The following XKR4 variants were observed in gnomAD, a reference collection of about 807,000 sequenced individuals.
The protein encoded by XKR4 is XK related 4.
Under a neutral mutation model 53.9 loss-of-function variants are expected in XKR4, and 12 were observed. The observed-to-expected ratio is 0.22, with a 90% confidence interval of 0.14 to 0.36. The LOEUF (loss-of-function observed/expected upper bound fraction) is 0.36, where lower values mean the gene tolerates loss of function less well. Ranked by LOEUF, XKR4 falls within the 10% of genes least tolerant of loss-of-function variation. The probability of loss-of-function intolerance (pLI) is 1.00; values close to 1 mark genes in which losing one functional copy is unlikely to be tolerated. For missense variants in XKR4, 799 were observed against 859.5 expected (o/e 0.93, Z 0.88); for synonymous variants, 354 against 362.4 (o/e 0.98, Z 0.26).
At chr8:55,332,356 T>G (rs1044093881) in intron 1 of XKR4, among the ~76,000 whole-genome samples, 2 of 152,064 alleles carry the variant, frequency 1.3e-5, no homozygotes, top group African/African-American at 4.8e-5. Flanking sequence ...CAAATTATAA[T>G]TTTTTTATAT....
At chr8:55,216,266 TG>T (rs770316314) in intron 1 of XKR4, among the ~76,000 whole-genome samples, 15 of 152,100 alleles carry the variant, frequency 9.9e-5, no homozygotes, top group Admixed American at 2.0e-4. Flanking sequence ...GGAAGGGAAA[TG>T]GGGGCAAAAA....
intron 1 of XKR4, among the ~76,000 whole-genome samples, chr8:55,214,079 C>G (rs1208762764): frequency 6.6e-6 from 1 of 151,972 alleles, no homozygotes; most frequent in Non-Finnish European, 1.5e-5. Flanking sequence ...CCTGGCTGGT[C>G]TCGAATTCCT....
At chr8:55,517,495 T>G (rs1806730835) in intron 2 of XKR4, 1 of 152,122 alleles carries the variant, frequency 6.6e-6, no homozygotes, top group South Asian at 2.1e-4. Flanking sequence ...TGTTAGGGGC[T>G]AGAAAAGGTT....
At chr8:55,410,493 C>T (rs1222214493) in intron 2 of XKR4, among the ~76,000 whole-genome samples, 6 of 152,230 alleles carry the variant, frequency 3.9e-5, no homozygotes, top group Non-Finnish European at 8.8e-5. Flanking sequence ...GTCTCTCCTT[C>T]CCTGGGCTTC....
chr8:55,455,101 GA>G, intron 2 of XKR4: 5 of 662,290 alleles, frequency 7.5e-6, no homozygotes, highest in Non-Finnish European at 8.3e-6. Context: ...GGTGCGGCCT[GA>G]ATGCCACCAG....
At chr8:55,391,162 G>T (rs945896884) in intron 2 of XKR4, among the ~76,000 whole-genome samples, 10 of 152,178 alleles carry the variant, frequency 6.6e-5, no homozygotes, top group African/African-American at 2.4e-4. Context: ...AGAAACAGGA[G>T]CTCCCATGTA....
chr8:55,183,569 A>G (rs1817341562), intron 1 of XKR4, among the ~76,000 whole-genome samples: 1 of 152,100 alleles, frequency 6.6e-6, no homozygotes, highest in Non-Finnish European at 1.5e-5. Context: ...TTACTGATTT[A>G]GAGTTTAATC....
chr8:55,211,387 A>G (rs573736874), intron 1 of XKR4, among the ~76,000 whole-genome samples: 1 of 152,366 alleles, frequency 6.6e-6, no homozygotes, highest in South Asian at 2.1e-4. Flanking sequence ...CACTTTGTCA[A>G]AATGACCATT....
intron 1 of XKR4, among the ~76,000 whole-genome samples, chr8:55,255,716 G>A (rs1175263913): frequency 6.6e-6 from 1 of 152,022 alleles, no homozygotes. Flanking sequence ...TACACAAATA[G>A]GAGACAGTTA....
intron 2 of XKR4, among the ~76,000 whole-genome samples, chr8:55,471,604 C>T (rs1818278): frequency 0.41 from 61,693 of 151,626 alleles, 13,209 homozygotes; most frequent in East Asian, 0.53. Context: ...CAGATGCAAA[C>T]ATGGATGATA....
intron 2 of XKR4, among the ~76,000 whole-genome samples, chr8:55,457,080 T>G (rs914508263): frequency 6.6e-6 from 1 of 151,518 alleles, no homozygotes; most frequent in Non-Finnish European, 1.5e-5. Flanking sequence ...TGACTTATCA[T>G]TATAAACAGT....
chr8:55,171,821 A>C (rs903320997), intron 1 of XKR4, among the ~76,000 whole-genome samples: 1 of 152,036 alleles, frequency 6.6e-6, no homozygotes, highest in Non-Finnish European at 1.5e-5. Context: ...CCTGTTCTCC[A>C]TCTGTGCCTC....
intron 2 of XKR4, among the ~76,000 whole-genome samples, chr8:55,470,895 C>T (rs1287862381): frequency 6.6e-6 from 1 of 152,110 alleles, no homozygotes; most frequent in Admixed American, 6.6e-5. Context: ...GATTCAAACT[C>T]AGGTCCACCT....
intron 2 of XKR4, among the ~76,000 whole-genome samples, chr8:55,430,942 T>G (rs76158602): frequency 0.039 from 6,003 of 152,308 alleles, 174 homozygotes; most frequent in Middle Eastern, 0.092. Flanking sequence ...AACACACGAA[T>G]GTGGGGCAAC....
chr8:55,461,005 C>T (rs1398084115), intron 2 of XKR4, among the ~76,000 whole-genome samples: 3 of 152,236 alleles, frequency 2.0e-5, no homozygotes, highest in South Asian at 2.1e-4. Flanking sequence ...GGTGAGCCCA[C>T]CACAGCTCAA....
At chr8:55,422,014 T>TGAG (rs1278624838) in intron 2 of XKR4, among the ~76,000 whole-genome samples, 1 of 152,218 alleles carries the variant, frequency 6.6e-6, no homozygotes, top group Non-Finnish European at 1.5e-5. Context: ...TAATGTCCCA[T>TGAG]GAGCTTTAAG....
chr8:55,439,848 A>G (rs937100662), intron 2 of XKR4, among the ~76,000 whole-genome samples: 2 of 152,214 alleles, frequency 1.3e-5, no homozygotes, highest in Non-Finnish European at 2.9e-5. Context: ...AAAGATGTCT[A>G]TCTTCATACT....
At chr8:55,478,123 G>A (rs1418972587) in intron 2 of XKR4, among the ~76,000 whole-genome samples, 1 of 151,256 alleles carries the variant, frequency 6.6e-6, no homozygotes. Context: ...CAAAGTTGAA[G>A]GAAAAAATGT....
intron 2 of XKR4, among the ~76,000 whole-genome samples, chr8:55,467,496 T>C (rs1805793504): frequency 1.3e-5 from 2 of 151,966 alleles, no homozygotes; most frequent in Admixed American, 6.6e-5. Context: ...GAGTTGGGAG[T>C]TGGCGAGGGT....
Sources: allele counts gnomAD v4.1 joint callset (sites outside exome capture counted in the v4.1 genomes callset), GRCh38; gene constraint gnomAD v4.1.1; transcripts MANE v1.5; gene names NCBI Gene and HGNC (gene_info 2026-07-23, HGNC 2026-07-21).